PCDHA3: variants seen among roughly 807,000 people sequenced by gnomAD.
The protein encoded by PCDHA3 is protocadherin alpha-3.
PCDHA3 carries 41 observed loss-of-function variants against 62.2 expected under a neutral mutation model. That is an observed-to-expected ratio of 0.66 (90% CI 0.51 to 0.86). The LOEUF (loss-of-function observed/expected upper bound fraction) is 0.86, where lower values mean the gene tolerates loss of function less well. PCDHA3 is among the 40% of genes least tolerant of loss of function. The pLI is 0.00. For missense variants in PCDHA3, 1,304 were observed against 1,241.2 expected, an observed-to-expected ratio of 1.05 and a Z score of -0.76; for synonymous variants, 640 against 555.4, an observed-to-expected ratio of 1.15 and a Z score of -2.14.
At chr5:140,884,068 T>A (rs1554181200) in intron 1 of PCDHA3, 1 of 1,613,416 alleles carries the variant, frequency 6.2e-7, no homozygotes. Context: ...TGGACGCCGA[T>A]TCGGGCTACA....
At chr5:140,882,732 A>C in intron 1 of PCDHA3, 1 of 1,614,228 alleles carries the variant, frequency 6.2e-7, no homozygotes, top group Non-Finnish European at 8.5e-7. Context: ...TTTCCACTAG[A>C]TGGCGCATCC....
chr5:140,830,329 G>C (rs2150185018), intron 1 of PCDHA3: 1 of 1,614,050 alleles, frequency 6.2e-7, no homozygotes, highest in Non-Finnish European at 8.5e-7. Flanking sequence ...GCGCAGTGGG[G>C]AGCTGGTCGT....
At chr5:140,981,019 T>C (rs1396794400) in intron 2 of PCDHA3, among the ~76,000 whole-genome samples, 1 of 152,124 alleles carries the variant, frequency 6.6e-6, no homozygotes, top group Non-Finnish European at 1.5e-5. Flanking sequence ...ACTTGAAGGC[T>C]GTTAATATTT....
chr5:140,829,347 C>G (rs1475492730), intron 1 of PCDHA3: 2 of 1,614,232 alleles, frequency 1.2e-6, no homozygotes, highest in Non-Finnish European at 1.7e-6. Flanking sequence ...GAGAGCGTGT[C>G]GGCCTATGAG....
chr5:140,869,096 C>G (rs2050848393), intron 1 of PCDHA3: 2 of 1,594,364 alleles, frequency 1.3e-6, no homozygotes, highest in African/African-American at 2.7e-5. Context: ...AAGCCAATTT[C>G]GTATGCGATG....
intron 1 of PCDHA3, chr5:140,850,791 A>G: frequency 1.3e-6 from 2 of 1,598,378 alleles, no homozygotes; most frequent in African/African-American, 2.7e-5. Context: ...GGGTAAGCAG[A>G]AGACCGACCT....
At chr5:140,929,457 G>A (rs975305297) in intron 1 of PCDHA3, 25 of 1,362,276 alleles carry the variant, frequency 1.8e-5, no homozygotes, top group Non-Finnish European at 2.4e-5. Flanking sequence ...AGCACTTCCT[G>A]TGCCAAGAAA....
rs2150132538 is a variant in PCDHA3, at chr5:140,824,142, A to G, written c.2394+20551A>G. 3 of 1,611,752 alleles carry G rather than the reference A, an allele frequency of 1.9e-6. No homozygotes were observed. The African/African-American group carries it at 4.0e-5, about 22-fold the overall frequency. ...CTACAGACAACGTGAGTTTTCTAAT[A>G]TTAACATCCATCTTTCCCTCCCAAT... On this transcript the variant is annotated intron_variant, in intron 1 of 3. Transcript: ENST00000522353.
At chr5:140,829,541 G>C in intron 1 of PCDHA3, 1 of 1,613,068 alleles carries the variant, frequency 6.2e-7, no homozygotes. Flanking sequence ...AGACGCGGAC[G>C]CGCAGGAGAA....
At chr5:140,903,202 C>T (rs1322362050) in intron 1 of PCDHA3, among the ~76,000 whole-genome samples, 4 of 152,184 alleles carry the variant, frequency 2.6e-5, no homozygotes, top group Admixed American at 2.0e-4. Context: ...GTGTCCTTTT[C>T]ACCACATTCA....
chr5:140,927,839 G>T (rs782594719), intron 1 of PCDHA3: 1 of 1,614,208 alleles, frequency 6.2e-7, no homozygotes, highest in South Asian at 1.1e-5. Context: ...AGGGACGAAG[G>T]TGTCTTTGGT....
At chr5:140,890,886 A>G (rs1332125590) in intron 1 of PCDHA3, among the ~76,000 whole-genome samples, 3 of 151,952 alleles carry the variant, frequency 2.0e-5, no homozygotes, top group Admixed American at 1.3e-4. Flanking sequence ...TTCATCAGGG[A>G]TTATTGTCTT....
chr5:140,809,267 G>A (rs1764412049), intron 1 of PCDHA3: 2 of 1,613,996 alleles, frequency 1.2e-6, no homozygotes, highest in Non-Finnish European at 8.5e-7. Flanking sequence ...TGCTGCGCTG[G>A]TGGATGTCAA....
At chr5:140,935,592 T>C (rs1554210581) in intron 1 of PCDHA3, among the ~76,000 whole-genome samples, 1 of 152,252 alleles carries the variant, frequency 6.6e-6, no homozygotes, top group East Asian at 1.9e-4. Context: ...ACCAGCTAGA[T>C]ACAGAGCTAG....
rs2098419648 is a variant in PCDHA3 at position 141,011,160 on chromosome 5, A to AT, written c.*1224dup. The AT allele has an allele frequency of 6.5e-6, 1 of 153,706 alleles. No homozygotes were observed. The highest frequency in any genetic ancestry group is 2.4e-5 in the African/African-American group (1 of 41,436). 9.5% of individuals were successfully genotyped at this position (153,706 alleles called of 1,614,324 possible). A position where few individuals can be genotyped will look rare whatever the true frequency, so the allele number is the denominator to read the frequency against. ...TACACAACCTTCTCTAACCAACTAT[A>AT]TATCAAGACCCAAAAATTGAAGAAA... On this transcript the variant is annotated 3_prime_UTR_variant, in exon 4 of 4. Coordinates refer to ENST00000522353, the MANE Select transcript of PCDHA3 (RefSeq NM_018906.3).
At chr5:140,821,741 T>A in intron 1 of PCDHA3, 3 of 1,554,034 alleles carry the variant, frequency 1.9e-6, no homozygotes, top group Non-Finnish European at 2.6e-6. Context: ...TGTGTGGTGA[T>A]GCAATAGAAA....
intron 2 of PCDHA3, among the ~76,000 whole-genome samples, chr5:140,981,379 G>C (rs1387904235): frequency 6.6e-6 from 1 of 152,152 alleles, no homozygotes; most frequent in Non-Finnish European, 1.5e-5. Context: ...TTCAAGACCA[G>C]CCTGGTCAAT....
intron 1 of PCDHA3, among the ~76,000 whole-genome samples, chr5:140,819,662 A>T (rs1383608520): frequency 6.6e-6 from 1 of 152,134 alleles, no homozygotes; most frequent in East Asian, 1.9e-4. Flanking sequence ...TATTCAAAAT[A>T]AGAGTTGATC....
chr5:140,984,168 A>C (rs1181991691), intron 3 of PCDHA3, among the ~76,000 whole-genome samples: 1 of 152,204 alleles, frequency 6.6e-6, no homozygotes, highest in Non-Finnish European at 1.5e-5. Context: ...TTCCCAAAGA[A>C]GCCACGTGAA....
Sources: gnomAD v4.1 joint callset for allele counts (sites outside exome capture counted in the v4.1 genomes callset) on GRCh38, gnomAD v4.1.1 for gene constraint, MANE v1.5 for transcripts, NCBI Gene and HGNC (gene_info 2026-07-23, HGNC 2026-07-21) for gene names.